Variants in GRIA1 observed in about 807,000 individuals in gnomAD.
The protein encoded by GRIA1 is glutamate ionotropic receptor AMPA type subunit 1.
A neutral mutation model predicts 99.2 loss-of-function variants in GRIA1; 31 were observed. The ratio of observed to expected loss-of-function variants is 0.31; its 90% confidence interval spans 0.23 to 0.42. The LOEUF is 0.42. Ranked by LOEUF, GRIA1 falls within the 10% of genes least tolerant of loss-of-function variation. The pLI, the probability that GRIA1 is intolerant of heterozygous loss-of-function variation, is 1.00. For synonymous variants in GRIA1, 438 were observed against 432.4 expected (o/e 1.01, Z -0.16); for missense variants, 782 against 1,157.5 (o/e 0.68, Z 4.71).
chr5:153,742,590 C>T (rs1438812972), intron 11 of GRIA1, among the ~76,000 whole-genome samples: 1 of 152,118 alleles, frequency 6.6e-6, no homozygotes, highest in Non-Finnish European at 1.5e-5. Context: ...TGGCAAAATC[C>T]ACTTCCTGTG....
chr5:153,628,654 T>C (rs1767861128), intron 2 of GRIA1, among the ~76,000 whole-genome samples: 1 of 152,246 alleles, frequency 6.6e-6, no homozygotes, highest in Admixed American at 6.5e-5. Flanking sequence ...TCATCTGCAT[T>C]TGTCCTCTCT....
chr5:153,654,868 A>G (rs1416368258), intron 4 of GRIA1, among the ~76,000 whole-genome samples: 1 of 152,214 alleles, frequency 6.6e-6, no homozygotes, highest in Non-Finnish European at 1.5e-5. Flanking sequence ...AGGCTGAGCT[A>G]GATCTAAAAC....
chr5:153,530,733 A>G (rs185633400), intron 2 of GRIA1, among the ~76,000 whole-genome samples: 1 of 152,336 alleles, frequency 6.6e-6, no homozygotes, highest in East Asian at 1.9e-4. Context: ...CTCTCTGGTA[A>G]GGAGCCTTCT....
chr5:153,533,775 C>T (rs981630229), intron 2 of GRIA1, among the ~76,000 whole-genome samples: 1 of 152,210 alleles, frequency 6.6e-6, no homozygotes, highest in Non-Finnish European at 1.5e-5. Flanking sequence ...TTATGAGAAT[C>T]ACAATAGCTG....
At chr5:153,649,709 A>T (rs535882750) in intron 3 of GRIA1, among the ~76,000 whole-genome samples, 2 of 152,100 alleles carry the variant, frequency 1.3e-5, no homozygotes, top group African/African-American at 4.8e-5. Flanking sequence ...TGATCCACCC[A>T]CCTCGACCTC....
chr5:153,698,257 G>T, intron 9 of GRIA1, 103 bp downstream of exon 9: 1 of 592,744 alleles, frequency 1.7e-6, no homozygotes, highest in Non-Finnish European at 3.0e-6. Context: ...TGCCAAAACT[G>T]TGTAATAGAT....
At chr5:153,489,778 G>A (rs1230173493), upstream of GRIA1, 1 of 456,498 alleles carries the variant, frequency 2.2e-6, no homozygotes, top group African/African-American at 2.0e-5. Context: ...AGAAAGACCT[G>A]AAAGAAGCTT....
chr5:153,789,378 A>T (rs985335133), intron 13 of GRIA1, among the ~76,000 whole-genome samples: 3 of 150,758 alleles, frequency 2.0e-5, no homozygotes, highest in African/African-American at 7.3e-5. Context: ...TGTTGTGTAT[A>T]TATATGATAA....
At chr5:153,623,110 A>G (rs1162677604) in intron 2 of GRIA1, among the ~76,000 whole-genome samples, 1 of 152,238 alleles carries the variant, frequency 6.6e-6, no homozygotes, top group Non-Finnish European at 1.5e-5. Context: ...GCTTTCAACC[A>G]TTAAGGCAAG....
intron 11 of GRIA1, among the ~76,000 whole-genome samples, chr5:153,742,805 T>C (rs1761900812): frequency 6.6e-6 from 1 of 152,244 alleles, no homozygotes; most frequent in African/African-American, 2.4e-5. Flanking sequence ...TGCCTTCCTC[T>C]TTCAATCTTA....
chr5:153,654,823 TA>T (rs915829276), intron 4 of GRIA1, among the ~76,000 whole-genome samples: 7 of 151,964 alleles, frequency 4.6e-5, no homozygotes, highest in Non-Finnish European at 8.8e-5. Context: ...ATTTGATGAT[TA>T]AAAAAAATAG....
intron 2 of GRIA1, among the ~76,000 whole-genome samples, chr5:153,496,492 A>C (rs1441751124): frequency 6.6e-6 from 1 of 152,192 alleles, no homozygotes; most frequent in Non-Finnish European, 1.5e-5. Context: ...GAGAAGCAAT[A>C]ATCTTATTTT....
intron 11 of GRIA1, among the ~76,000 whole-genome samples, chr5:153,729,299 G>C (rs887330557): frequency 1.3e-4 from 19 of 151,884 alleles, no homozygotes; most frequent in African/African-American, 4.1e-4. Context: ...ACGAGTTAAT[G>C]GGTGCAGCAC....
At chr5:153,708,846 C>T (rs1759106867) in intron 11 of GRIA1, among the ~76,000 whole-genome samples, 1 of 152,186 alleles carries the variant, frequency 6.6e-6, no homozygotes, top group South Asian at 2.1e-4. Flanking sequence ...GGGTTGGTGA[C>T]TTTGGCTGAA....
intron 2 of GRIA1, among the ~76,000 whole-genome samples, chr5:153,619,429 G>T (rs1766819666): frequency 6.6e-6 from 1 of 152,128 alleles, no homozygotes; most frequent in Non-Finnish European, 1.5e-5. Flanking sequence ...TCTGGGGAAA[G>T]ACCTCTTCTG....
At chr5:153,600,827 A>G (rs1561678240) in intron 2 of GRIA1, among the ~76,000 whole-genome samples, 1 of 152,180 alleles carries the variant, frequency 6.6e-6, no homozygotes, top group Non-Finnish European at 1.5e-5. Context: ...AACCCAAAAG[A>G]CCTGGGAGGT....
At chr5:153,770,693 C>A (rs907613549) in intron 13 of GRIA1, among the ~76,000 whole-genome samples, 6 of 152,304 alleles carry the variant, frequency 3.9e-5, no homozygotes, top group South Asian at 2.1e-4. Flanking sequence ...CATCAATGAA[C>A]CTTGTGCTTT....
At chr5:153,616,479 AT>A (rs1317637615) in intron 2 of GRIA1, among the ~76,000 whole-genome samples, 9 of 151,822 alleles carry the variant, frequency 5.9e-5, no homozygotes, top group African/African-American at 2.2e-4. Flanking sequence ...AAAAAAAAAA[AT>A]TCGCAAAAAA....
chr5:153,804,585 T>C (rs1766285925), intron 15 of GRIA1, among the ~76,000 whole-genome samples: 1 of 152,168 alleles, frequency 6.6e-6, no homozygotes, highest in African/African-American at 2.4e-5. Context: ...TTCTCATTGC[T>C]TGTCTAAGAC....
Sources: allele counts gnomAD v4.1 joint callset (sites outside exome capture counted in the v4.1 genomes callset), GRCh38; gene constraint gnomAD v4.1.1; transcripts MANE v1.5; gene names NCBI Gene and HGNC (gene_info 2026-07-23, HGNC 2026-07-21).